DPY19L3: variants seen among roughly 807,000 people sequenced by gnomAD.
The protein encoded by DPY19L3 is dpy-19 like C-mannosyltransferase 3.
A neutral mutation model predicts 92.3 loss-of-function variants in DPY19L3; 51 were observed. That is an observed-to-expected ratio of 0.55 (90% CI 0.44 to 0.70). The LOEUF is 0.70. DPY19L3 is among the 30% of genes least tolerant of loss of function. DPY19L3 has a pLI of 0.00. For synonymous variants in DPY19L3, 309 were observed against 315.2 expected (o/e 0.98, Z 0.21); for missense variants, 706 against 855.9 (o/e 0.82, Z 2.18).
rs200790169 is a variant in DPY19L3, at chr19:32,408,249, A to G, written c.-5A>G. On this transcript the variant is annotated 5_prime_UTR_variant, in exon 2 of 19. Transcript: ENST00000392250. The stretch of plus-strand genomic sequence containing the variant: ...TTGGAGAACAATGCATGTAAGTCTG[A>G]CATCATGATGTCCATCCGGCAAAGA... 18 of 1,607,892 alleles carry G rather than the reference A, an allele frequency of 1.1e-5. No individual in the cohort carries two copies. The highest frequency in any genetic ancestry group is 3.3e-5 in the Admixed American group (2 of 59,742).
chr19:32,408,506 G>C, intron 2 of DPY19L3, 150 bp downstream of exon 2: 1 of 622,152 alleles, frequency 1.6e-6, no homozygotes, highest in Non-Finnish European at 2.9e-6. Flanking sequence ...TGATTAGATT[G>C]ATTTTACAGT....
intron 8 of DPY19L3, among the ~76,000 whole-genome samples, chr19:32,444,315 A>T (rs1286881097): frequency 6.6e-6 from 1 of 152,222 alleles, no homozygotes; most frequent in Non-Finnish European, 1.5e-5. Flanking sequence ...CGAAGTTTAA[A>T]ACTCAGTGGA....
In DPY19L3 at chr19:32,485,884, A is replaced by C. The variant is rs1843521508; in HGVS notation, c.*3644A>C. 6.6e-6 allele frequency: 1 copy of C among 152,224 alleles called. No individual in the cohort carries two copies. Among genetic ancestry groups the C allele is most frequent in the Non-Finnish European group, 1.5e-5 (1 of 68,050 alleles). The allele number at this position is 152,224 out of a possible 1,614,324, so 9.4% of individuals were successfully genotyped here. Reference sequence around the variant, plus strand: ...TTGTATACCAAGTAAAGCTCTTTTAAATTACATAAGATGAGTGTCTTGCAT... The same window carrying C: ...TTGTATACCAAGTAAAGCTCTTTTACATTACATAAGATGAGTGTCTTGCAT... On this transcript the variant is annotated 3_prime_UTR_variant, in exon 19 of 19. Transcript: ENST00000392250.
intron 10 of DPY19L3, 36 bp downstream of exon 10, chr19:32,455,076 TA>T: frequency 7.7e-7 from 1 of 1,296,202 alleles, no homozygotes; most frequent in Non-Finnish European, 1.1e-6. Context: ...AATGTATTTT[TA>T]ATTAACTTAT....
chr19:32,452,149 A>G (rs918748305), intron 8 of DPY19L3, among the ~76,000 whole-genome samples: 18 of 152,234 alleles, frequency 1.2e-4, no homozygotes, highest in African/African-American at 4.3e-4. Context: ...ATCCATTACC[A>G]TGTCTGGTTC....
rs775589839 is a variant in DPY19L3, at chr19:32,453,296, C to CT, written c.987+23dup. 6.3e-7 allele frequency: 1 copy of CT among 1,582,798 alleles called. No homozygotes were observed. The highest frequency in any genetic ancestry group is 8.5e-7 in the Non-Finnish European group (1 of 1,170,170). Reference sequence around the variant, plus strand: ...CTTCAGGTAGGACTTTTTTTTTGTCCTTTATCAAAGTAAACTTTTTTTTAA... The same window carrying CT: ...CTTCAGGTAGGACTTTTTTTTTGTCCTTTTATCAAAGTAAACTTTTTTTTAA... On this transcript the variant is annotated intron_variant, in intron 9 of 18. Coordinates refer to ENST00000392250, the MANE Select transcript of DPY19L3 (RefSeq NM_001172774.2).
Position 32,468,770 on chromosome 19 carries a change from G to A in DPY19L3, c.1654G>A (p.Glu552Lys), listed in dbSNP as rs757019649. Residue 552 changes from glutamate to lysine, a missense_variant, in exon 16 of 19, where the codon GAA becomes AAA. Coordinates refer to ENST00000392250, the MANE Select transcript of DPY19L3 (RefSeq NM_001172774.2). ...GATGGATGAACTCTCCGAGTTGAGA[G>A]AATTCTATGATCCAGATACAGTGGA... is the stretch of plus-strand genomic sequence containing the variant. ...GMMDELSELR[E>K]FYDPDTVELM... is the part of the protein sequence containing the mutation. 2 of 1,613,818 alleles carry A rather than the reference G, an allele frequency of 1.2e-6. No individual in the cohort carries two copies.
At position 32,468,812 on chromosome 19, in the gene DPY19L3, A is replaced by G; in HGVS notation, c.1696A>G (p.Asn566Asp). 1 of 1,611,400 alleles carries G rather than the reference A, an allele frequency of 6.2e-7. No homozygotes were observed. The highest frequency in any genetic ancestry group is 8.5e-7 in the Non-Finnish European group (1 of 1,179,110). The change falls in exon 16 of 19, where the codon AAC becomes GAC. Residue 566 changes from asparagine to aspartate, a missense_variant and splice_region_variant. By Grantham distance (23) the Asn-to-Asp change is conservative (BLOSUM62 1). Transcript: ENST00000392250. ...TACAGTGGAGCTGATGAACTGGATTAAGTAAGAGGATTTTTTTTAACTTTT... is the reference window on the plus strand; with the variant it reads ...TACAGTGGAGCTGATGAACTGGATTGAGTAAGAGGATTTTTTTTAACTTTT... ...PDTVELMNWI[N>D]SNTPRKAVFA...
At chr19:32,448,234 C>T (rs1180833153) in intron 8 of DPY19L3, among the ~76,000 whole-genome samples, 1 of 152,012 alleles carries the variant, frequency 6.6e-6, no homozygotes, top group Non-Finnish European at 1.5e-5. Flanking sequence ...ATATGTGGGT[C>T]GTATGGAACA....
At chr19:32,461,136 G>A (rs1970028280) in intron 12 of DPY19L3, among the ~76,000 whole-genome samples, 1 of 152,204 alleles carries the variant, frequency 6.6e-6, no homozygotes, top group African/African-American at 2.4e-5. Flanking sequence ...AAAATGTTGG[G>A]ATGACAGGCA....
chr19:32,461,897 G>A (rs1015138960), intron 12 of DPY19L3, among the ~76,000 whole-genome samples: 3 of 152,130 alleles, frequency 2.0e-5, no homozygotes, highest in African/African-American at 7.2e-5. Flanking sequence ...GGCAGTGTGT[G>A]CTTCCCGGTG....
chr19:32,464,988 AACT>A (rs1032615726), intron 15 of DPY19L3, among the ~76,000 whole-genome samples: 2 of 152,226 alleles, frequency 1.3e-5, no homozygotes, highest in African/African-American at 4.8e-5. Flanking sequence ...TGATAGCGAA[AACT>A]ACTATAGCAT....
Position 32,484,668 on chromosome 19 carries a change from T to A in DPY19L3, c.*2428T>A, listed in dbSNP as rs1012224519. ...CTGCCACAGCACAGCTGGAGGCTGT[T>A]CTCTGGTGTTCTCAGCGCTCCGGCT... On this transcript the variant is annotated 3_prime_UTR_variant, in exon 19 of 19. Coordinates refer to ENST00000392250, the MANE Select transcript of DPY19L3 (RefSeq NM_001172774.2). 2 of 152,190 alleles carry A rather than the reference T, an allele frequency of 1.3e-5. No individual in the cohort carries two copies. The highest frequency in any genetic ancestry group is 2.4e-5 in the African/African-American group (1 of 41,440). 9.4% of individuals were successfully genotyped at this position (152,190 alleles called of 1,614,324 possible).
intron 3 of DPY19L3, among the ~76,000 whole-genome samples, chr19:32,416,674 A>G (rs576262331): frequency 2.0e-5 from 3 of 152,244 alleles, no homozygotes; most frequent in Non-Finnish European, 4.4e-5. Context: ...CGAGGGTCCC[A>G]TTGGAAGCTT....
At position 32,482,066 on chromosome 19, in the gene DPY19L3, GT is replaced by G; in HGVS notation, c.1990-9del. The G allele has an allele frequency of 6.2e-7, 1 of 1,605,692 alleles. No homozygotes were observed. Among genetic ancestry groups the G allele is most frequent in the Non-Finnish European group, 8.5e-7 (1 of 1,177,392 alleles). ...TTCCCCCCAAATTGTATTTGGGTTT[GT>G]TTTGGTTTTAGATGATGGATGGCCC... On this transcript the variant is annotated splice_polypyrimidine_tract_variant and intron_variant, in intron 18 of 18. Coordinates refer to ENST00000392250, the MANE Select transcript of DPY19L3 (RefSeq NM_001172774.2).
At chr19:32,443,366 C>G (rs545320377) in intron 8 of DPY19L3, among the ~76,000 whole-genome samples, 4 of 152,086 alleles carry the variant, frequency 2.6e-5, no homozygotes, top group Non-Finnish European at 4.4e-5. Flanking sequence ...TTTTGTGGTC[C>G]CCCACCAAAT....
chr19:32,464,704 C>G lies in DPY19L3; in HGVS notation c.1558-24C>G, dbSNP rs201119752. On this transcript the variant is annotated intron_variant, in intron 14 of 18. Transcript: ENST00000392250. ...AGAAAAGGTTCAAAATACTTATAATCTAAATAATGTCTTTCTTATATAGAT... is the reference window on the plus strand; with the variant it reads ...AGAAAAGGTTCAAAATACTTATAATGTAAATAATGTCTTTCTTATATAGAT... 1.8e-3 allele frequency: 2,538 copies of G among 1,373,414 alleles called. 5 individuals are homozygous for G. The highest frequency in any genetic ancestry group is 2.4e-3 in the Non-Finnish European group (2,403 of 999,286). The allele number at this position is 1,373,414 out of a possible 1,614,324, so 85.1% of individuals were successfully genotyped here. A position where few individuals can be genotyped will look rare whatever the true frequency, so the allele number is the denominator to read the frequency against.
chr19:32,439,340 T>C lies in DPY19L3; in HGVS notation c.720+105T>C, dbSNP rs17832780. On this transcript the variant is annotated intron_variant, in intron 7 of 18. Transcript: ENST00000392250. ...TCCCAATGCATGTGAATAGTTCTTATTCCATGACCAATTTTTAAACTTGAG... is the reference window on the plus strand; with the variant it reads ...TCCCAATGCATGTGAATAGTTCTTACTCCATGACCAATTTTTAAACTTGAG... 1,066 of 1,188,734 alleles carry C rather than the reference T, an allele frequency of 9.0e-4. 12 individuals are homozygous for C. In the East Asian group the frequency reaches 0.024, roughly 27 times the overall value. 73.6% of individuals were successfully genotyped at this position (1,188,734 alleles called of 1,614,324 possible). A position where few individuals can be genotyped will look rare whatever the true frequency, so the allele number is the denominator to read the frequency against.
At chr19:32,477,800 A>T in intron 17 of DPY19L3, 146 bp downstream of exon 17, 1 of 1,158,884 alleles carries the variant, frequency 8.6e-7, no homozygotes, top group Non-Finnish European at 1.2e-6. Context: ...CTACTGATAA[A>T]GGCATACCTG....
Sources: allele counts gnomAD v4.1 joint callset (sites outside exome capture counted in the v4.1 genomes callset), GRCh38; gene constraint gnomAD v4.1.1; transcripts MANE v1.5; gene names NCBI Gene and HGNC (gene_info 2026-07-23, HGNC 2026-07-21).